MAP4K3: variants seen among roughly 807,000 people sequenced by gnomAD.
MAP4K3 encodes the protein mitogen-activated protein kinase kinase kinase kinase 3.
MAP4K3 carries 94 observed loss-of-function variants against 143.5 expected under a neutral mutation model. That is an observed-to-expected ratio of 0.65 (90% CI 0.55 to 0.78). The LOEUF is 0.78. Among genes scored for constraint, MAP4K3 ranks in the 30% least tolerant of loss-of-function variants. The probability of loss-of-function intolerance (pLI) is 0.00; values close to 1 mark genes in which losing one functional copy is unlikely to be tolerated. For missense variants in MAP4K3, 1,077 were observed against 1,068.1 expected (o/e 1.01, Z -0.12); for synonymous variants, 416 against 347.2 (o/e 1.20, Z -2.20).
intron 12 of MAP4K3, chr2:39,323,256 T>C (rs1270842313): frequency 6.6e-6 from 1 of 152,180 alleles, no homozygotes; most frequent in Non-Finnish European, 1.5e-5. Flanking sequence ...ACCAAAACAA[T>C]GTCTGGATAA....
chr2:39,272,876 T>C lies in MAP4K3; in HGVS notation c.1795-334A>G, dbSNP rs77015204. ...CTATTCCTTTATTTTGGTTCTGGGG[T>C]TGAATAAGATTCTCCTCTCTACTCC... On this transcript the variant is annotated intron_variant, in intron 24 of 33. Coordinates refer to ENST00000263881, the MANE Select transcript of MAP4K3 (RefSeq NM_003618.4). 1.7e-3 allele frequency among the ~76,000 whole-genome samples: 262 copies of C among 152,182 alleles called. 6 individuals carry two copies. In the East Asian group the frequency reaches 0.024, roughly 14 times the overall value.
chr2:39,363,531 T>A (rs1665828232), intron 2 of MAP4K3, among the ~76,000 whole-genome samples: 1 of 152,062 alleles, frequency 6.6e-6, no homozygotes, highest in South Asian at 2.1e-4. Flanking sequence ...TAGCTGGGCA[T>A]AGTGGCAGGT....
intron 2 of MAP4K3, among the ~76,000 whole-genome samples, chr2:39,364,528 GTGGT>G (rs1371053259): frequency 6.6e-6 from 1 of 152,190 alleles, no homozygotes; most frequent in Non-Finnish European, 1.5e-5. Flanking sequence ...TGTGCCCAAA[GTGGT>G]TGGTTTTACA....
chr2:39,396,631 G>A lies in MAP4K3; in HGVS notation c.97-18508C>T, dbSNP rs572112477. The stretch of plus-strand genomic sequence containing the variant: ...TGGGACTACAGGCGCCCGCCACTAC[G>A]CCCGGCTAATTTTTCGTATTTTTAG... On this transcript the variant is annotated intron_variant, in intron 1 of 33. Coordinates refer to ENST00000263881, the MANE Select transcript of MAP4K3 (RefSeq NM_003618.4). Among the ~76,000 whole-genome samples, 176 of 151,866 alleles carry A rather than the reference G, an allele frequency of 1.2e-3. 1 individual carries two copies. The highest frequency in any genetic ancestry group is 4.0e-3 in the African/African-American group (167 of 41,422).
chr2:39,317,263 A>C (rs546882246), intron 12 of MAP4K3, among the ~76,000 whole-genome samples: 1 of 152,304 alleles, frequency 6.6e-6, no homozygotes, highest in South Asian at 2.1e-4. Context: ...AAATCAACTC[A>C]AGATGGATTA....
intron 2 of MAP4K3, among the ~76,000 whole-genome samples, chr2:39,373,890 A>G (rs1666148679): frequency 6.6e-6 from 1 of 152,200 alleles, no homozygotes; most frequent in African/African-American, 2.4e-5. Flanking sequence ...TTGCAAGCAC[A>G]ACAGGGTGAC....
At chr2:39,409,820 T>C (rs1489376628) in intron 1 of MAP4K3, among the ~76,000 whole-genome samples, 5 of 152,198 alleles carry the variant, frequency 3.3e-5, no homozygotes, top group African/African-American at 9.7e-5. Context: ...ATTTACCTAG[T>C]ACTATAATAA....
Position 39,363,442 on chromosome 2 carries a change from T to G in MAP4K3, c.155-7103A>C, listed in dbSNP as rs185312968. ...CAGCACTTTTGGAGGCCGAGGTGGG[T>G]GGATCACCTGAGGTCAGGAGTTTGA... On this transcript the variant is annotated intron_variant, in intron 2 of 33. Transcript: ENST00000263881. Among the ~76,000 whole-genome samples the G allele has an allele frequency of 8.4e-4, 128 of 152,118 alleles. No homozygotes were observed. In the Middle Eastern group the frequency reaches 0.01, roughly 12 times the overall value.
chr2:39,278,573 T>C (rs1681376177), intron 23 of MAP4K3, 87 bp from the exon 24 acceptor site: 1 of 701,058 alleles, frequency 1.4e-6, no homozygotes. Flanking sequence ...CGTAAATAAG[T>C]ATTAACATAT....
intron 4 of MAP4K3, among the ~76,000 whole-genome samples, chr2:39,341,654 T>G (rs1573174582): frequency 7.1e-6 from 1 of 141,576 alleles, no homozygotes; most frequent in African/African-American, 2.6e-5. Flanking sequence ...AGACTCCGTT[T>G]AAAAAAAAAA....
intron 1 of MAP4K3, among the ~76,000 whole-genome samples, chr2:39,407,210 A>T (rs1334554156): frequency 6.6e-6 from 1 of 152,208 alleles, no homozygotes; most frequent in African/African-American, 2.4e-5. Context: ...AATAAAGAGA[A>T]CTGTGCCAAT....
chr2:39,353,787 C>T (rs1198320456), intron 3 of MAP4K3, among the ~76,000 whole-genome samples: 1 of 152,142 alleles, frequency 6.6e-6, no homozygotes, highest in Non-Finnish European at 1.5e-5. Context: ...GTAGCAGCGG[C>T]AAATACCTAT....
intron 14 of MAP4K3, among the ~76,000 whole-genome samples, chr2:39,308,835 A>G (rs1682812219): frequency 1.3e-5 from 2 of 152,134 alleles, no homozygotes; most frequent in Admixed American, 6.5e-5. Context: ...TTTACTATGT[A>G]TGCCTCATCT....
chr2:39,316,831 A>C (rs1683127746), intron 12 of MAP4K3, among the ~76,000 whole-genome samples: 1 of 152,202 alleles, frequency 6.6e-6, no homozygotes. Flanking sequence ...TTCTAAGAAA[A>C]AGGATATCCT....
intron 24 of MAP4K3, among the ~76,000 whole-genome samples, chr2:39,275,346 C>T (rs191518847): frequency 1.3e-5 from 2 of 152,224 alleles, no homozygotes; most frequent in Non-Finnish European, 2.9e-5. Flanking sequence ...ATTAGCTGGG[C>T]ATTGTGGCAT....
intron 20 of MAP4K3, among the ~76,000 whole-genome samples, chr2:39,287,296 C>T (rs532691970): frequency 1.3e-4 from 1 of 7,704 alleles, no homozygotes; most frequent in African/African-American, 4.6e-4. Context: ...ACTTTAGTTG[C>T]TCTTTTTTTT....
At chr2:39,305,714 T>C (rs1013075500) in intron 15 of MAP4K3, among the ~76,000 whole-genome samples, 1 of 152,122 alleles carries the variant, frequency 6.6e-6, no homozygotes, top group Admixed American at 6.5e-5. Flanking sequence ...CTCCTGATTA[T>C]AGGGCAGGGA....
intron 12 of MAP4K3, among the ~76,000 whole-genome samples, chr2:39,316,142 C>T (rs1382502244): frequency 6.6e-6 from 1 of 151,752 alleles, no homozygotes; most frequent in African/African-American, 2.4e-5. Context: ...GGAAACATAC[C>T]AATATTTAAT....
Position 39,354,154 on chromosome 2 carries a change from C to CA in MAP4K3, c.245+2094dup, listed in dbSNP as rs1431437730. ...TGAAACACCGTCTCTACTAAAAATA[C>CA]AAAAAAAGGCCAGGCACAGTGGCTC... is the stretch of plus-strand genomic sequence containing the variant. On this transcript the variant is annotated intron_variant, in intron 3 of 33. Transcript: ENST00000263881. Among the ~76,000 whole-genome samples, 10 of 151,990 alleles carry CA rather than the reference C, an allele frequency of 6.6e-5. No homozygotes were observed. In the East Asian group the frequency reaches 1.7e-3, roughly 26 times the overall value.
Sources: allele counts gnomAD v4.1 joint callset (sites outside exome capture counted in the v4.1 genomes callset), GRCh38; gene constraint gnomAD v4.1.1; transcripts MANE v1.5; gene names NCBI Gene and HGNC (gene_info 2026-07-23, HGNC 2026-07-21).